PM20D2: variants seen among roughly 807,000 people sequenced by gnomAD.
PM20D2 encodes peptidase M20 domain containing 2.
A neutral mutation model predicts 42.9 loss-of-function variants in PM20D2; 33 were observed. That is an observed-to-expected ratio of 0.77 (90% CI 0.58 to 1.03). The LOEUF is 1.03. Ranked by LOEUF, PM20D2 falls within the 50% of genes least tolerant of loss-of-function variation. The probability of loss-of-function intolerance (pLI) is 0.00; values close to 1 mark genes in which losing one functional copy is unlikely to be tolerated. For missense variants in PM20D2, 548 were observed against 557.0 expected (o/e 0.98, Z 0.16); for synonymous variants, 250 against 228.2 (o/e 1.10, Z -0.86).
upstream of PM20D2, among the ~76,000 whole-genome samples, chr6:89,145,145 A>G (rs1466030570): frequency 6.6e-6 from 1 of 152,350 alleles, no homozygotes; most frequent in East Asian, 1.9e-4. Flanking sequence ...CTCAGAATAT[A>G]AACATCTACA....
chr6:89,130,810 C>CTGCTGCTGCTTT, the PM20D2 span, among the ~76,000 whole-genome samples: 6 of 57,626 alleles, frequency 1.0e-4, no homozygotes, highest in African/African-American at 2.1e-4. Context: ...TTGTATCTGG[C>CTGCTGCTGCTTT]TTCTTCTTCT....
Position 89,162,420 on chromosome 6 carries a change from C to T in PM20D2, c.*157C>T. ...TGTGGAGAAAACATATTAATTACCTCATATCTAAAGTGAAAATTTTTGCAA... is the reference window on the plus strand; with the variant it reads ...TGTGGAGAAAACATATTAATTACCTTATATCTAAAGTGAAAATTTTTGCAA... On this transcript the variant is annotated 3_prime_UTR_variant, in exon 7 of 7. Transcript: ENST00000275072. 2.6e-6 allele frequency: 2 copies of T among 758,542 alleles called. No individual in the cohort carries two copies. The highest frequency in any genetic ancestry group is 4.0e-6 in the Non-Finnish European group (2 of 504,930). 47.0% of individuals were successfully genotyped at this position (758,542 alleles called of 1,614,324 possible).
chr6:89,140,595 A>G, the PM20D2 span, among the ~76,000 whole-genome samples: 1 of 152,188 alleles, frequency 6.6e-6, no homozygotes, highest in African/African-American at 2.4e-5. Context: ...CATTTTCCTA[A>G]GCCATAACGG....
At chr6:89,140,529 CG>C in the PM20D2 span, among the ~76,000 whole-genome samples, 1 of 152,102 alleles carries the variant, frequency 6.6e-6, no homozygotes, top group African/African-American at 2.4e-5. Flanking sequence ...AGCACTGCAC[CG>C]GGCCCAAGCT....
the PM20D2 span, among the ~76,000 whole-genome samples, chr6:89,093,948 TCTCA>T: frequency 8.3e-6 from 1 of 120,830 alleles, no homozygotes; most frequent in African/African-American, 3.1e-5. Context: ...TGAGATGGAG[TCTCA>T]CTCTGTTGCC....
chr6:89,099,680 C>T, the PM20D2 span, among the ~76,000 whole-genome samples: 2 of 151,992 alleles, frequency 1.3e-5, no homozygotes, highest in African/African-American at 2.4e-5. Flanking sequence ...GGATTACAGG[C>T]ATGCGCCACC....
At chr6:89,156,830 A>G (rs183394221) in intron 4 of PM20D2, among the ~76,000 whole-genome samples, 2 of 152,352 alleles carry the variant, frequency 1.3e-5, no homozygotes, top group East Asian at 3.8e-4. Flanking sequence ...CGATAAACAT[A>G]TGGACAGATG....
the PM20D2 span, chr6:89,107,393 G>A: frequency 1.5e-6 from 1 of 654,772 alleles, no homozygotes; most frequent in Non-Finnish European, 2.6e-6. Context: ...TTTTTTGTAA[G>A]AATCATGCAA....
Position 89,146,177 on chromosome 6 carries a change from G to T in PM20D2, c.33G>T (p.Gly11=). The T allele has an allele frequency of 6.5e-7, 1 of 1,530,878 alleles. No individual in the cohort carries two copies. 94.8% of individuals were successfully genotyped at this position (1,530,878 alleles called of 1,614,324 possible). A position where few individuals can be genotyped will look rare whatever the true frequency, so the allele number is the denominator to read the frequency against. MRPGGERPVE[G]GACNGRSELE... is the part of the protein sequence containing the mutation. ...CCGGAGGGGAGCGGCCCGTGGAAGGGGGCGCGTGCAATGGCCGCTCCGAGC... is the reference window on the plus strand; with the variant it reads ...CCGGAGGGGAGCGGCCCGTGGAAGGTGGCGCGTGCAATGGCCGCTCCGAGC... The change falls in exon 1 of 7, where the codon GGG becomes GGT. Residue 11 remains glycine (G), a synonymous_variant. Coordinates refer to ENST00000275072, the MANE Select transcript of PM20D2 (RefSeq NM_001010853.3).
At chr6:89,142,689 G>A (rs898379100), upstream of PM20D2, among the ~76,000 whole-genome samples, 8 of 151,782 alleles carry the variant, frequency 5.3e-5, no homozygotes, top group Admixed American at 1.3e-4. Context: ...ACGGAGTCTC[G>A]CTCTGTCACC....
the PM20D2 span, among the ~76,000 whole-genome samples, chr6:89,131,972 C>G: frequency 1.3e-5 from 2 of 152,146 alleles, no homozygotes; most frequent in African/African-American, 4.8e-5. Context: ...AACTTCTTGA[C>G]AAGCTGGGCA....
chr6:89,122,136 T>C, the PM20D2 span, among the ~76,000 whole-genome samples: 4 of 152,360 alleles, frequency 2.6e-5, no homozygotes, highest in South Asian at 2.1e-4. Flanking sequence ...ATTGCTGATA[T>C]GACAATAACT....
upstream of PM20D2, among the ~76,000 whole-genome samples, chr6:89,141,777 A>G (rs1181430617): frequency 3.3e-5 from 5 of 152,098 alleles, no homozygotes; most frequent in Non-Finnish European, 5.9e-5. Flanking sequence ...CTCCTGCTTA[A>G]TAACATCCAA....
chr6:89,105,590 A>T, the PM20D2 span: 1 of 1,214,914 alleles, frequency 8.2e-7, no homozygotes, highest in South Asian at 1.8e-5. Flanking sequence ...TTTTAAAAGC[A>T]TTATTTACAT....
At chr6:89,122,683 T>C in the PM20D2 span, among the ~76,000 whole-genome samples, 1 of 152,250 alleles carries the variant, frequency 6.6e-6, no homozygotes, top group Non-Finnish European at 1.5e-5. Context: ...TAGGTAGGTA[T>C]TAGTGTCTTG....
At chr6:89,101,655 G>A in the PM20D2 span, among the ~76,000 whole-genome samples, 5 of 151,840 alleles carry the variant, frequency 3.3e-5, no homozygotes, top group Non-Finnish European at 5.9e-5. Context: ...CCGAGATTGT[G>A]CCACTGCACT....
At position 89,161,763 on chromosome 6, in the gene PM20D2, T is replaced by C. The variant is rs760011676; in HGVS notation, c.1049-20T>C. On this transcript the variant is annotated intron_variant, in intron 5 of 6. Coordinates refer to ENST00000275072, the MANE Select transcript of PM20D2 (RefSeq NM_001010853.3). ...CCACATATACTTAAATAGACTTTTCTTAACTTTGTGTGTTCCAAGGATCTA... is the reference window on the plus strand; with the variant it reads ...CCACATATACTTAAATAGACTTTTCCTAACTTTGTGTGTTCCAAGGATCTA... The C allele has an allele frequency of 9.7e-6, 15 of 1,551,936 alleles. 1 individual carries two copies. In the South Asian group the frequency reaches 1.1e-4, roughly 12 times the overall value.
the PM20D2 span, among the ~76,000 whole-genome samples, chr6:89,128,421 T>G: frequency 0.015 from 2,302 of 152,182 alleles, 56 homozygotes; most frequent in African/African-American, 0.051. Context: ...TCTCAAACCC[T>G]GTTTTCTGTT....
chr6:89,107,231 A>C, the PM20D2 span: 1 of 1,614,126 alleles, frequency 6.2e-7, no homozygotes, highest in Non-Finnish European at 8.5e-7. Flanking sequence ...GGCCATATCG[A>C]CCAAACTCAC....
Sources: allele counts gnomAD v4.1 joint callset (sites outside exome capture counted in the v4.1 genomes callset), GRCh38; gene constraint gnomAD v4.1.1; transcripts MANE v1.5; gene names NCBI Gene and HGNC (gene_info 2026-07-23, HGNC 2026-07-21).